The following LMAN2 variants were observed in gnomAD, a reference collection of about 807,000 sequenced individuals.
The protein encoded by LMAN2 is lectin, mannose binding 2.
LMAN2 carries 22 observed loss-of-function variants against 39.3 expected under a neutral mutation model. That is an observed-to-expected ratio of 0.56 (90% CI 0.40 to 0.80). The LOEUF (loss-of-function observed/expected upper bound fraction) is 0.80, where lower values mean the gene tolerates loss of function less well. Ranked by LOEUF, LMAN2 falls within the 30% of genes least tolerant of loss-of-function variation. The probability of loss-of-function intolerance (pLI) is 0.00; values close to 1 mark genes in which losing one functional copy is unlikely to be tolerated. For synonymous variants in LMAN2, 207 were observed against 207.8 expected, an observed-to-expected ratio of 1.00 and a Z score of 0.03; for missense variants, 494 against 505.4, an observed-to-expected ratio of 0.98 and a Z score of 0.22.
rs1761405126 is a variant in LMAN2, at chr5:177,332,572, C to T, written c.911-326G>A. ...AGTCCAACTCTGGATAAGGGGAGGCCCAGGAGTCTACATATCCAAGCCCCA... is the reference window on the plus strand; with the variant it reads ...AGTCCAACTCTGGATAAGGGGAGGCTCAGGAGTCTACATATCCAAGCCCCA... On this transcript the variant is annotated intron_variant, in intron 7 of 7. Coordinates refer to ENST00000303127, the MANE Select transcript of LMAN2 (RefSeq NM_006816.3). The surrounding 1 kb of genome is among the most constrained non-coding windows in gnomAD (Gnocchi z 6.3). 6.6e-6 allele frequency among the ~76,000 whole-genome samples: 1 copy of T among 152,128 alleles called. No homozygotes were observed.
rs368637534 is a variant in LMAN2 at position 177,332,142 on chromosome 5, C to T, written c.1015G>A (p.Val339Met). 1.9e-5 allele frequency: 31 copies of T among 1,613,582 alleles called. No homozygotes were observed. The East Asian group carries it at 2.5e-4, about 13-fold the overall frequency. ...CALLGIVVCA[V>M]VGAVVFQKRQ... is the part of the protein sequence containing the mutation. ...TTCTGGAACACCACGGCCCCCACCA[C>T]GGCGCAGACAACGATGCCCAGGAGA... The change falls in exon 8 of 8, where the codon GTG becomes ATG. Residue 339 changes from valine to methionine, a missense_variant. Transcript: ENST00000303127. The surrounding 1 kb of genome is among the most constrained non-coding windows in gnomAD (Gnocchi z 6.3).
intron 6 of LMAN2, chr5:177,334,611 A>C: frequency 1.8e-6 from 1 of 562,318 alleles, no homozygotes; most frequent in African/African-American, 1.9e-5. Context: ...AGTGGAGAGA[A>C]AACAGTAAGG....
chr5:177,337,477 G>C lies in LMAN2; in HGVS notation c.561C>G (p.Ser187=), dbSNP rs1181078341. The C allele has an allele frequency of 1.2e-6, 2 of 1,614,068 alleles. No homozygotes were observed. Among genetic ancestry groups the C allele is most frequent in the Non-Finnish European group, 1.7e-6 (2 of 1,180,018 alleles). The change falls in exon 5 of 8, where the codon TCC becomes TCG. Residue 187 remains serine, a synonymous_variant. Coordinates refer to ENST00000303127, the MANE Select transcript of LMAN2 (RefSeq NM_006816.3). The surrounding 1 kb of genome is among the most constrained non-coding windows in gnomAD (Gnocchi z 8.2). Reference sequence around the variant, plus strand: ...AGCGCCCATCCTTGCTGTGGTCGTAGGACAGGGAGCCATTGTTCACCATCA... The same window carrying C: ...AGCGCCCATCCTTGCTGTGGTCGTACGACAGGGAGCCATTGTTCACCATCA... ...ISVMVNNGSL[S]YDHSKDGRWT...
rs746886391 is a variant in LMAN2 at position 177,332,162 on chromosome 5, A to G, written c.995T>C (p.Leu332Pro). The G allele has an allele frequency of 1.2e-6, 2 of 1,613,690 alleles. No homozygotes were observed. The highest frequency in any genetic ancestry group is 1.7e-6 in the Non-Finnish European group (2 of 1,179,968). The change falls in exon 8 of 8, where the codon CTG becomes CCG. Residue 332 changes from leucine to proline, a missense_variant. Transcript: ENST00000303127. This position sits in a 1 kb window ranked among gnomAD's most constrained non-coding sequence, Gnocchi z 6.3. ...CACCACGGCGCAGACAACGATGCCCAGGAGAGCGCACAGCAGCAGCAGGAA... is the reference window on the plus strand; with the variant it reads ...CACCACGGCGCAGACAACGATGCCCGGGAGAGCGCACAGCAGCAGCAGGAA... ...RVFLLLLCALLGIVVCAVVGA... is the reference protein window; with the variant it reads ...RVFLLLLCALPGIVVCAVVGA...
rs1761489074 is a variant in LMAN2 at position 177,337,309 on chromosome 5, T to C, written c.675+54A>G. Reference sequence around the variant, plus strand: ...ACAGCAGCCTGCCCTCCTGAGCCTCTGTGGGACCAGCACAGGGCCACCAGC... The same window carrying C: ...ACAGCAGCCTGCCCTCCTGAGCCTCCGTGGGACCAGCACAGGGCCACCAGC... On this transcript the variant is annotated intron_variant, in intron 5 of 7. Transcript: ENST00000303127. This position sits in a 1 kb window ranked among gnomAD's most constrained non-coding sequence, Gnocchi z 8.2. 1.9e-6 allele frequency: 3 copies of C among 1,611,566 alleles called. No individual in the cohort carries two copies. Among genetic ancestry groups the C allele is most frequent in the Middle Eastern group, 1.6e-4 (1 of 6,082 alleles).
Position 177,338,434 on chromosome 5 carries a change from C to A in LMAN2, c.433+54G>T. The stretch of plus-strand genomic sequence containing the variant: ...CCACCCCACCTCCCTAGGGGGCCAG[C>A]AGCCATGCCCGTGCCCACCCCCACA... On this transcript the variant is annotated intron_variant, in intron 3 of 7. Transcript: ENST00000303127. 29 of 1,452,570 alleles carry A rather than the reference C, an allele frequency of 2.0e-5. No individual in the cohort carries two copies. In the South Asian group the frequency reaches 3.2e-4, roughly 16 times the overall value. 90.0% of individuals were successfully genotyped at this position (1,452,570 alleles called of 1,614,324 possible).
rs781122487 is a variant in LMAN2 at position 177,332,259 on chromosome 5, A to G, written c.911-13T>C. On this transcript the variant is annotated splice_polypyrimidine_tract_variant and intron_variant, in intron 7 of 7. Transcript: ENST00000303127. The surrounding 1 kb of genome is among the most constrained non-coding windows in gnomAD (Gnocchi z 6.3). ...TCGTCCACGTTGTCTGGGGGAGAAGAAACGGGGGAGCTGAAACGGCAGCAC... is the reference window on the plus strand; with the variant it reads ...TCGTCCACGTTGTCTGGGGGAGAAGGAACGGGGGAGCTGAAACGGCAGCAC... 5.0e-6 allele frequency: 8 copies of G among 1,610,272 alleles called. No individual in the cohort carries two copies. The highest frequency in any genetic ancestry group is 2.2e-5 in the South Asian group (2 of 90,842).
At position 177,341,962 on chromosome 5, in the gene LMAN2, A is replaced by C. The variant is rs1202780983; in HGVS notation, c.316-3357T>G. ...AAAAGAGCATATAACTTTCAAGCTA[A>C]TAGAAGAGGAAAAATAGGATAATAA... On this transcript the variant is annotated intron_variant, in intron 2 of 7. Coordinates refer to ENST00000303127, the MANE Select transcript of LMAN2 (RefSeq NM_006816.3). Among the ~76,000 whole-genome samples the C allele has an allele frequency of 2.0e-5, 3 of 152,346 alleles. No homozygotes were observed. The East Asian group carries it at 5.8e-4, about 29-fold the overall frequency.
chr5:177,340,086 G>A (rs769113758), intron 2 of LMAN2, among the ~76,000 whole-genome samples: 11 of 152,046 alleles, frequency 7.2e-5, no homozygotes, highest in Non-Finnish European at 1.3e-4. Context: ...ATTTAAAGAC[G>A]TCTAAGCACT....
At position 177,334,298 on chromosome 5, in the gene LMAN2, AG is replaced by A. The variant is rs769775648; in HGVS notation, c.895del (p.Leu299SerfsTer20). 6.2e-7 allele frequency: 1 copy of A among 1,612,248 alleles called. No homozygotes were observed. The highest frequency in any genetic ancestry group is 1.1e-5 in the South Asian group (1 of 91,008). ...TGCACACGCACCTTTGGGCGACTTG[AG>A]GAAGTTGACGCTGGGCTCGATCTTG... is the stretch of plus-strand genomic sequence containing the variant. Reference protein sequence around the residue: ...WTKIEPSVNFLKSPKDNVDDP... With the variant: ...WTKIEPSVNFXKSPKDNVDDP... On this transcript the variant is annotated frameshift_variant, in exon 7 of 8. Coordinates refer to ENST00000303127, the MANE Select transcript of LMAN2 (RefSeq NM_006816.3). LOFTEE classifies it high-confidence loss of function.
Position 177,337,245 on chromosome 5 carries a change from C to T in LMAN2, c.681G>A (p.Met227Ile). 1 of 1,613,928 alleles carries T rather than the reference C, an allele frequency of 6.2e-7. No individual in the cohort carries two copies. Among genetic ancestry groups the T allele is most frequent in the Non-Finnish European group, 8.5e-7 (1 of 1,179,922 alleles). The change falls in exon 6 of 8, where the codon ATG (methionine) becomes ATA (isoleucine). Residue 227 changes from methionine to isoleucine, a missense_variant. Coordinates refer to ENST00000303127, the MANE Select transcript of LMAN2 (RefSeq NM_006816.3). The surrounding 1 kb of genome is among the most constrained non-coding windows in gnomAD (Gnocchi z 8.2). Reference protein sequence around the residue: ...VRYSRGRLTVMTDLEDKNEWK... With the variant: ...VRYSRGRLTVITDLEDKNEWK... ...ACTCGTTCTTGTCCTCCAGGTCGGTCATCACCTGCAGGGCCCAGCACGCTA... is the reference window on the plus strand; with the variant it reads ...ACTCGTTCTTGTCCTCCAGGTCGGTTATCACCTGCAGGGCCCAGCACGCTA...
rs547434469 is a variant in LMAN2, at chr5:177,338,594, G to A, written c.327C>T (p.Leu109=). 21 of 1,614,226 alleles carry A rather than the reference G, an allele frequency of 1.3e-5. No individual in the cohort carries two copies. Among genetic ancestry groups the A allele is most frequent in the Non-Finnish European group, 1.4e-5 (17 of 1,180,026 alleles). ...GSIWNHQPCF[L]KDWEMHVHFK... is the part of the protein sequence containing the mutation. Reference sequence around the variant, plus strand: ...AGTGGACGTGCATTTCCCAGTCTTTGAGGAAGCACGGCTGGAGGGAGAGCA... The same window carrying A: ...AGTGGACGTGCATTTCCCAGTCTTTAAGGAAGCACGGCTGGAGGGAGAGCA... Residue 109 remains leucine (L), a synonymous_variant, in exon 3 of 8, where the codon CTC becomes CTT. Transcript: ENST00000303127.
chr5:177,351,114 G>C (rs1275725513), intron 2 of LMAN2, 59 bp downstream of exon 2: 4 of 1,478,916 alleles, frequency 2.7e-6, no homozygotes, highest in East Asian at 2.3e-5. Flanking sequence ...TCAGCTGCTC[G>C]GGAGGCAGGG....
At chr5:177,347,907 C>A (rs1339802262) in intron 2 of LMAN2, among the ~76,000 whole-genome samples, 1 of 152,004 alleles carries the variant, frequency 6.6e-6, no homozygotes, top group Non-Finnish European at 1.5e-5. Context: ...TTGCTTGAGT[C>A]CAAGAGTTCA....
intron 2 of LMAN2, 61 bp downstream of exon 2, chr5:177,351,112 T>C: frequency 6.8e-7 from 1 of 1,470,024 alleles, no homozygotes; most frequent in Non-Finnish European, 9.5e-7. Flanking sequence ...TCTCAGCTGC[T>C]CGGGAGGCAG....
intron 2 of LMAN2, among the ~76,000 whole-genome samples, chr5:177,341,084 GAGAC>G (rs1249928728): frequency 1.0e-5 from 1 of 99,056 alleles, no homozygotes; most frequent in Non-Finnish European, 2.0e-5. Context: ...TTTTTTTTGT[GAGAC>G]AGAGTTTCGC....
At chr5:177,335,196 T>C (rs1455947448) in intron 6 of LMAN2, among the ~76,000 whole-genome samples, 3 of 152,148 alleles carry the variant, frequency 2.0e-5, no homozygotes, top group Non-Finnish European at 4.4e-5. Context: ...GCACACAGTG[T>C]GAGAGCCGAG....
chr5:177,347,591 A>C (rs1424106436), intron 2 of LMAN2, among the ~76,000 whole-genome samples: 3 of 152,214 alleles, frequency 2.0e-5, no homozygotes, highest in Admixed American at 6.5e-5. Flanking sequence ...TGGGGAGCTC[A>C]GAAAGCTTAA....
chr5:177,346,349 C>T lies in LMAN2; in HGVS notation c.315+4824G>A, dbSNP rs527984111. The T allele has an allele frequency of 2.8e-3, 1,541 of 552,434 alleles. 2 individuals carry two copies. Among genetic ancestry groups the T allele is most frequent in the Non-Finnish European group, 3.7e-3 (1,365 of 369,256 alleles). The allele number at this position is 552,434 out of a possible 1,614,324, so 34.2% of individuals were successfully genotyped here. A position where few individuals can be genotyped will look rare whatever the true frequency, so the allele number is the denominator to read the frequency against. On this transcript the variant is annotated intron_variant, in intron 2 of 7. Transcript: ENST00000303127. ...AAGTGGCTCACTGACCTCCACAGTCCTTCTGAGATTAAGCAGATTACTTCC... is the reference window on the plus strand; with the variant it reads ...AAGTGGCTCACTGACCTCCACAGTCTTTCTGAGATTAAGCAGATTACTTCC...
Sources: gnomAD v4.1 joint callset for allele counts (sites outside exome capture counted in the v4.1 genomes callset) on GRCh38, gnomAD v4.1.1 for gene constraint, Gnocchi (gnomAD v3.1) non-coding constraint, MANE v1.5 for transcripts, NCBI Gene and HGNC (gene_info 2026-07-23, HGNC 2026-07-21) for gene names.